The following SCUBE3 variants were observed in gnomAD, a reference collection of about 807,000 sequenced individuals.
The protein encoded by SCUBE3 is signal peptide, CUB and EGF-like domain-containing protein 3.
SCUBE3 carries 33 observed loss-of-function variants against 116.8 expected under a neutral mutation model. The observed-to-expected ratio is 0.28, with a 90% CI of 0.21 to 0.38. The LOEUF (loss-of-function observed/expected upper bound fraction) is 0.38. Among genes scored for constraint, SCUBE3 ranks in the 10% least tolerant of loss-of-function variants. The pLI is 1.00. For missense variants in SCUBE3, 1,007 were observed against 1,324.8 expected (o/e 0.76, Z 3.72); for synonymous variants, 418 against 496.9 (o/e 0.84, Z 2.11).
chr6:35,244,640 T>C lies in SCUBE3; in HGVS notation c.2240-10T>C. On this transcript the variant is annotated splice_polypyrimidine_tract_variant and intron_variant, in intron 17 of 21. Coordinates refer to ENST00000274938, the MANE Select transcript of SCUBE3 (RefSeq NM_152753.4). This position sits in a 1 kb window ranked among gnomAD's most constrained non-coding sequence, Gnocchi z 4.3. ...CCATCTTGATTCCTGCCCTTCTCCC[T>C]TGCCTACAGTCCAGTGCTCCCCAGG... 1 of 1,612,920 alleles carries C rather than the reference T, an allele frequency of 6.2e-7. No individual in the cohort carries two copies. The highest frequency in any genetic ancestry group is 8.5e-7 in the Non-Finnish European group (1 of 1,179,074).
Position 35,243,595 on chromosome 6 carries a change from C to CA in SCUBE3, c.1912dup (p.Ser638LysfsTer39). 1 of 1,605,266 alleles carries CA rather than the reference C, an allele frequency of 6.2e-7. No homozygotes were observed. Among genetic ancestry groups the CA allele is most frequent in the Non-Finnish European group, 8.5e-7 (1 of 1,174,100 alleles). ...CTAGCGCGGCCGACTCTCCCTCAGT[C>CA]AGCTGCCCGCAGGGAACGTATTACC... On this transcript the variant is annotated frameshift_variant and splice_region_variant, in exon 16 of 22. Coordinates refer to ENST00000274938, the MANE Select transcript of SCUBE3 (RefSeq NM_152753.4). LOFTEE classifies it high-confidence loss of function. The surrounding 1 kb of genome is among the most constrained non-coding windows in gnomAD (Gnocchi z 6.6).
At chr6:35,238,099 G>A in intron 7 of SCUBE3, 81 bp downstream of exon 7, 1 of 753,890 alleles carries the variant, frequency 1.3e-6, no homozygotes, top group Non-Finnish European at 2.3e-6. Flanking sequence ...TGCCTATTAG[G>A]GGATGACACC....
chr6:35,244,083 C>A lies in SCUBE3; in HGVS notation c.2192C>A (p.Thr731Asn), dbSNP rs781543170. The A allele has an allele frequency of 1.2e-6, 2 of 1,614,086 alleles. No homozygotes were observed. Among genetic ancestry groups the A allele is most frequent in the Admixed American group, 1.7e-5 (1 of 60,018 alleles). The change falls in exon 17 of 22, where the codon ACC becomes AAC. Residue 731 changes from threonine to asparagine, a missense_variant. Around this residue, in one of 5 missense-constraint regions of SCUBE3, gnomAD observed 544 missense variants for 638.9 expected, o/e 0.85. Transcript: ENST00000274938. This position sits in a 1 kb window ranked among gnomAD's most constrained non-coding sequence, Gnocchi z 4.3. The stretch of plus-strand genomic sequence containing the variant: ...TGCTTCCCTTGTGGTGGGGGCCTCA[C>A]CACCAAGCATGAAGGGGCCATTTCC... ...TLCFPCGGGLTTKHEGAISFQ... is the reference protein window; with the variant it reads ...TLCFPCGGGLNTKHEGAISFQ...
Position 35,244,646 on chromosome 6 carries a change from A to G in SCUBE3, c.2240-4A>G, listed in dbSNP as rs755692575. 2 of 1,613,486 alleles carry G rather than the reference A, an allele frequency of 1.2e-6. No homozygotes were observed. Among genetic ancestry groups the G allele is most frequent in the African/African-American group, 1.3e-5 (1 of 75,000 alleles). On this transcript the variant is annotated splice_region_variant and splice_polypyrimidine_tract_variant and intron_variant, in intron 17 of 21. Coordinates refer to ENST00000274938, the MANE Select transcript of SCUBE3 (RefSeq NM_152753.4). This position sits in a 1 kb window ranked among gnomAD's most constrained non-coding sequence, Gnocchi z 4.3. Reference sequence around the variant, plus strand: ...TGATTCCTGCCCTTCTCCCTTGCCTACAGTCCAGTGCTCCCCAGGGCACTA... The same window carrying G: ...TGATTCCTGCCCTTCTCCCTTGCCTGCAGTCCAGTGCTCCCCAGGGCACTA...
intron 1 of SCUBE3, among the ~76,000 whole-genome samples, chr6:35,215,971 G>A (rs1380752984): frequency 6.6e-6 from 1 of 152,228 alleles, no homozygotes; most frequent in Non-Finnish European, 1.5e-5. Context: ...CTTTTGTAGT[G>A]TGTGCTGACT....
chr6:35,237,631 C>T (rs1410997321), intron 6 of SCUBE3, among the ~76,000 whole-genome samples: 1 of 152,058 alleles, frequency 6.6e-6, no homozygotes, highest in African/African-American at 2.4e-5. Context: ...CCTGACAGCT[C>T]TGGCTTGTAC....
At position 35,251,185 on chromosome 6, in the gene SCUBE3, G is replaced by A. The variant is rs368988137; in HGVS notation, c.*2480G>A. ...TTTTTTTTTTTTGAGATGGAGTCTC[G>A]CTCTGTCACCCAGGCTGGAGTGTAA... On this transcript the variant is annotated 3_prime_UTR_variant, in exon 22 of 22. Coordinates refer to ENST00000274938, the MANE Select transcript of SCUBE3 (RefSeq NM_152753.4). The A allele has an allele frequency of 1.4e-4, 17 of 125,030 alleles. No individual in the cohort carries two copies. Among genetic ancestry groups the A allele is most frequent in the South Asian group, 4.9e-4 (2 of 4,048 alleles). The allele number at this position is 125,030 out of a possible 1,614,324, so 7.7% of individuals were successfully genotyped here.
rs542371069 is a variant in SCUBE3 at position 35,244,907 on chromosome 6, G to T, written c.2401+96G>T. On this transcript the variant is annotated intron_variant, in intron 18 of 21. Transcript: ENST00000274938. This position sits in a 1 kb window ranked among gnomAD's most constrained non-coding sequence, Gnocchi z 4.3. ...TGTGAAACCAACAGGGAGCAGGGCT[G>T]GGGGGTGGAGGAGCAGGAAAACTCC... 9.8e-6 allele frequency: 12 copies of T among 1,223,092 alleles called. No homozygotes were observed. Among genetic ancestry groups the T allele is most frequent in the Admixed American group, 3.9e-5 (2 of 50,892 alleles). The allele number at this position is 1,223,092 out of a possible 1,614,324, so 75.8% of individuals were successfully genotyped here. A position where few individuals can be genotyped will look rare whatever the true frequency, so the allele number is the denominator to read the frequency against.
At chr6:35,223,630 G>A (rs1783198765) in intron 1 of SCUBE3, 1 of 152,206 alleles carries the variant, frequency 6.6e-6, no homozygotes, top group Admixed American at 6.5e-5. Flanking sequence ...TGTAGCCCCA[G>A]GGTTGAGAAC....
chr6:35,241,839 C>A lies in SCUBE3; in HGVS notation c.1346C>A (p.Thr449Asn). ...SENGFTVSCG[T>N]PSPRAAPARA... ...AATGGCTTCACGGTGAGCTGTGGGA[C>A]CCCCAGCCCCAGGGCTGCTCCAGCC... The change falls in exon 12 of 22, where the codon ACC becomes AAC. Residue 449 changes from threonine to asparagine, a missense_variant. Transcript: ENST00000274938. The surrounding 1 kb of genome is among the most constrained non-coding windows in gnomAD (Gnocchi z 4.1). 11 of 1,612,922 alleles carry A rather than the reference C, an allele frequency of 6.8e-6. No homozygotes were observed. Among genetic ancestry groups the A allele is most frequent in the Non-Finnish European group, 9.3e-6 (11 of 1,179,686 alleles).
At chr6:35,230,852 G>A (rs113689514) in intron 3 of SCUBE3, among the ~76,000 whole-genome samples, 2,050 of 152,282 alleles carry the variant, frequency 0.013, 19 homozygotes, top group African/African-American at 0.025. Flanking sequence ...ACCAATCTAC[G>A]TGATGCCTCC....
Position 35,219,032 on chromosome 6 carries a change from G to A in SCUBE3, c.85+4529G>A, listed in dbSNP as rs1288605483. On this transcript the variant is annotated intron_variant, in intron 1 of 21. Transcript: ENST00000274938. The surrounding 1 kb of genome is among the most constrained non-coding windows in gnomAD (Gnocchi z 4.7). ...GGCAGAAGGCGCCGGGCCTCCACAG[G>A]TTACTCACCCAAATCTCAGGCGCTC... 6.6e-6 allele frequency among the ~76,000 whole-genome samples: 1 copy of A among 152,114 alleles called. No homozygotes were observed. The highest frequency in any genetic ancestry group is 1.5e-5 in the Non-Finnish European group (1 of 68,016).
In SCUBE3 at chr6:35,243,719, G is replaced by C. The variant is rs200283547; in HGVS notation, c.2035G>C (p.Gly679Arg). The C allele has an allele frequency of 6.2e-7, 1 of 1,614,128 alleles. No individual in the cohort carries two copies. The highest frequency in any genetic ancestry group is 1.7e-5 in the Admixed American group (1 of 60,022). ...CCTTTGCCCTGGGAGTGATGCCCAC[G>C]GGCCTCTTGGAGCCACCAACGTCAC... ...CDLCPGSDAH[G>R]PLGATNVTTC... Residue 679 changes from glycine to arginine, a missense_variant, in exon 16 of 22, where the codon GGG becomes CGG. By Grantham distance (125) the Gly-to-Arg change is moderately radical. This residue lies in a region of SCUBE3 where 544 missense variants were observed against 638.9 expected (regional missense o/e 0.85). Coordinates refer to ENST00000274938, the MANE Select transcript of SCUBE3 (RefSeq NM_152753.4). This position sits in a 1 kb window ranked among gnomAD's most constrained non-coding sequence, Gnocchi z 6.6.
Position 35,237,958 on chromosome 6 carries a change from GGTGTCCACTGCACCTGCCCT to G in SCUBE3, c.773_792del (p.Val258GlyfsTer16). On this transcript the variant is annotated frameshift_variant, in exon 7 of 22. Coordinates refer to ENST00000274938, the MANE Select transcript of SCUBE3 (RefSeq NM_152753.4). LOFTEE classifies it high-confidence loss of function. The stretch of plus-strand genomic sequence containing the variant: ...CAGTAAGTGCCATGATGCAGCGACT[GGTGTCCACTGCACCTGCCCT>G]GTGGGCTTCATGCTGCAGCCAGACA... 6.2e-7 allele frequency: 1 copy of G among 1,613,140 alleles called. No homozygotes were observed. Among genetic ancestry groups the G allele is most frequent in the Non-Finnish European group, 8.5e-7 (1 of 1,179,156 alleles).
chr6:35,245,192 C>G lies in SCUBE3; in HGVS notation c.2402-36C>G, dbSNP rs1212964370. On this transcript the variant is annotated intron_variant, in intron 18 of 21. Transcript: ENST00000274938. This position sits in a 1 kb window ranked among gnomAD's most constrained non-coding sequence, Gnocchi z 4.2. ...GCACACTTCCCCACTGACTTCCCTT[C>G]TCTGTCTTGTTTTATCCACTGGGGT... 7 of 1,600,868 alleles carry G rather than the reference C, an allele frequency of 4.4e-6. No homozygotes were observed. The highest frequency in any genetic ancestry group is 1.3e-5 in the African/African-American group (1 of 74,810).
Position 35,232,745 on chromosome 6 carries a change from CA to C in SCUBE3, c.470-104del, listed in dbSNP as rs1454603153. The C allele has an allele frequency of 1.8e-6, 2 of 1,132,610 alleles. No homozygotes were observed. Among genetic ancestry groups the C allele is most frequent in the Admixed American group, 3.8e-5 (2 of 52,842 alleles). The allele number at this position is 1,132,610 out of a possible 1,614,324, so 70.2% of individuals were successfully genotyped here. On this transcript the variant is annotated intron_variant, in intron 4 of 21. Coordinates refer to ENST00000274938, the MANE Select transcript of SCUBE3 (RefSeq NM_152753.4). This position sits in a 1 kb window ranked among gnomAD's most constrained non-coding sequence, Gnocchi z 4.2. ...AGTCCCCTCGTGTTGAATTCAACCT[CA>C]GTAGAATTCTCCCAGTTCCCTAGGT...
intron 1 of SCUBE3, among the ~76,000 whole-genome samples, chr6:35,217,124 G>C (rs1479704629): frequency 6.6e-6 from 1 of 151,054 alleles, no homozygotes; most frequent in Non-Finnish European, 1.5e-5. Flanking sequence ...TCAAGTGCTT[G>C]TCTGTATATT....
At chr6:35,242,906 G>A (rs1399085862) in intron 14 of SCUBE3, 115 bp from the exon 15 acceptor site, 2 of 1,498,066 alleles carry the variant, frequency 1.3e-6, no homozygotes, top group South Asian at 1.2e-5. Context: ...CTGGTGCCAA[G>A]CCTAAAAGCT....
rs942381121 is a variant in SCUBE3 at position 35,244,559 on chromosome 6, T to G, written c.2240-91T>G. On this transcript the variant is annotated intron_variant, in intron 17 of 21. Coordinates refer to ENST00000274938, the MANE Select transcript of SCUBE3 (RefSeq NM_152753.4). The surrounding 1 kb of genome is among the most constrained non-coding windows in gnomAD (Gnocchi z 4.3). ...AACTTTGATGTATCTGATCTCCTGA[T>G]TCTCCAGGATGAATGTATCCTGTCC... The G allele has an allele frequency of 5.9e-6, 6 of 1,011,688 alleles. No individual in the cohort carries two copies. In the African/African-American group the frequency reaches 8.0e-5, roughly 13 times the overall value. The allele number at this position is 1,011,688 out of a possible 1,614,324, so 62.7% of individuals were successfully genotyped here.
Sources: gnomAD v4.1 joint callset for allele counts (sites outside exome capture counted in the v4.1 genomes callset) on GRCh38, gnomAD v4.1.1 for gene constraint, gnomAD v4.1.1 regional missense constraint, Gnocchi (gnomAD v3.1) non-coding constraint, MANE v1.5 for transcripts, NCBI Gene and HGNC (gene_info 2026-07-23, HGNC 2026-07-21) for gene names.